DCAF10: variants seen among roughly 807,000 people sequenced by gnomAD.
DCAF10 encodes DDB1 and CUL4 associated factor 10.
In DCAF10, 19 loss-of-function variants were observed where a neutral mutation model predicts 51.9. The observed-to-expected ratio is 0.37, with a 90% CI of 0.26 to 0.54. DCAF10 has a LOEUF of 0.54. Among genes scored for constraint, DCAF10 ranks in the 20% least tolerant of loss-of-function variants. DCAF10 has a pLI of 0.87. For synonymous variants in DCAF10, 291 were observed against 297.1 expected (o/e 0.98, Z 0.21); for missense variants, 510 against 730.6 (o/e 0.70, Z 3.48).
Position 37,836,278 on chromosome 9 carries a change from G to A in DCAF10, c.654-5811G>A, listed in dbSNP as rs1450731694. On this transcript the variant is annotated intron_variant, in intron 2 of 6. Transcript: ENST00000377724. ...GATGTCTACGTGGAATATATTCAGC[G>A]AAACTTACCTGAAAGGGTTGCCATG... The A allele has an allele frequency of 6.3e-6, 10 of 1,589,552 alleles. No homozygotes were observed. The East Asian group carries it at 2.0e-4, about 32-fold the overall frequency.
chr9:37,850,162 T>C (rs1041560276), intron 3 of DCAF10, among the ~76,000 whole-genome samples: 25 of 152,326 alleles, frequency 1.6e-4, no homozygotes, highest in African/African-American at 5.5e-4. Flanking sequence ...AGAGAAATTA[T>C]CAGAATTAGT....
At chr9:37,855,790 G>A (rs926167419) in intron 4 of DCAF10, among the ~76,000 whole-genome samples, 26 of 152,324 alleles carry the variant, frequency 1.7e-4, no homozygotes, top group African/African-American at 4.1e-4. Context: ...TGGGAGGATC[G>A]CTTGAGCCCA....
chr9:37,807,390 T>C (rs1481805687), intron 1 of DCAF10, among the ~76,000 whole-genome samples: 1 of 152,174 alleles, frequency 6.6e-6, no homozygotes, highest in African/African-American at 2.4e-5. Flanking sequence ...AAATTTAATG[T>C]GGACATTCTT....
intron 2 of DCAF10, among the ~76,000 whole-genome samples, chr9:37,837,779 T>C (rs1830214905): frequency 6.6e-6 from 1 of 152,096 alleles, no homozygotes; most frequent in Admixed American, 6.5e-5. Context: ...TTAAACTGCA[T>C]TGCCTGTTCT....
intron 1 of DCAF10, among the ~76,000 whole-genome samples, chr9:37,808,936 G>C (rs1434172998): frequency 2.7e-5 from 4 of 149,144 alleles, no homozygotes; most frequent in Admixed American, 2.0e-4. Flanking sequence ...AAGGAAGAAA[G>C]ACTGTCTACA....
At chr9:37,830,291 A>G (rs886243478) in intron 2 of DCAF10, among the ~76,000 whole-genome samples, 1 of 152,240 alleles carries the variant, frequency 6.6e-6, no homozygotes, top group African/African-American at 2.4e-5. Context: ...GTGTGATACC[A>G]TTTACATAAA....
rs1831066064 is a variant in DCAF10, at chr9:37,863,326, A to C, written c.*1818A>C. 1 of 107,304 alleles carries C rather than the reference A, an allele frequency of 9.3e-6. No homozygotes were observed. Among genetic ancestry groups the C allele is most frequent in the Non-Finnish European group, 1.8e-5 (1 of 55,052 alleles). 6.6% of individuals were successfully genotyped at this position (107,304 alleles called of 1,614,324 possible). On this transcript the variant is annotated 3_prime_UTR_variant, in exon 7 of 7. Transcript: ENST00000377724. ...AGGCGACAGAGCGAGACTCTGTCTC[A>C]AAAAAAAAAAAAAAAAAAAAAAATT...
At chr9:37,830,623 T>A (rs1344197124) in intron 2 of DCAF10, among the ~76,000 whole-genome samples, 2 of 152,240 alleles carry the variant, frequency 1.3e-5, no homozygotes, top group Non-Finnish European at 2.9e-5. Context: ...GATAAAATGT[T>A]AAAATTGATA....
chr9:37,805,724 A>C (rs1247090929), intron 1 of DCAF10, among the ~76,000 whole-genome samples: 3 of 152,218 alleles, frequency 2.0e-5, no homozygotes, highest in African/African-American at 7.2e-5. Context: ...AAGCACAAAG[A>C]ATAGCTGAAA....
intron 2 of DCAF10, among the ~76,000 whole-genome samples, chr9:37,835,755 A>G (rs1346353133): frequency 6.6e-6 from 1 of 152,252 alleles, no homozygotes; most frequent in African/African-American, 2.4e-5. Flanking sequence ...AACAACAACA[A>G]AAAACATTAT....
At chr9:37,832,453 C>T (rs572543056) in intron 2 of DCAF10, among the ~76,000 whole-genome samples, 23 of 149,854 alleles carry the variant, frequency 1.5e-4, no homozygotes, top group African/African-American at 4.7e-4. Context: ...AGCGAGACTC[C>T]GTCTCAAAAA....
intron 3 of DCAF10, among the ~76,000 whole-genome samples, chr9:37,846,400 G>A (rs1315090224): frequency 6.6e-6 from 1 of 152,146 alleles, no homozygotes; most frequent in Non-Finnish European, 1.5e-5. Flanking sequence ...AGGCAACACA[G>A]ATGAACAGAT....
rs111424508 is a variant in DCAF10, at chr9:37,829,365, G to A, written c.653+9964G>A. On this transcript the variant is annotated intron_variant, in intron 2 of 6. Transcript: ENST00000377724. The surrounding 1 kb of genome is among the most constrained non-coding windows in gnomAD (Gnocchi z 4.2). ...TGAGACAGGAGAATCACTTGAACCC[G>A]GGAGGCGGAGGTTGCGGTGAGCCAA... is the stretch of plus-strand genomic sequence containing the variant. 8.8e-3 allele frequency among the ~76,000 whole-genome samples: 1,344 copies of A among 152,212 alleles called. 22 individuals are homozygous for A. Among genetic ancestry groups the A allele is most frequent in the African/African-American group, 0.03 (1,258 of 41,534 alleles).
intron 2 of DCAF10, chr9:37,835,938 GC>G: frequency 9.2e-7 from 1 of 1,088,378 alleles, no homozygotes; most frequent in Non-Finnish European, 1.4e-6. Context: ...TGAGAAGAAA[GC>G]CACCATTTTT....
chr9:37,809,826 C>T lies in DCAF10; in HGVS notation c.539+8421C>T, dbSNP rs955776122. ...CCAGCCTGGGCAAAAGAGCGAAACTCTGTCTCAAATTAAAAAAATAAAAGG... is the reference window on the plus strand; with the variant it reads ...CCAGCCTGGGCAAAAGAGCGAAACTTTGTCTCAAATTAAAAAAATAAAAGG... On this transcript the variant is annotated intron_variant, in intron 1 of 6. Coordinates refer to ENST00000377724, the MANE Select transcript of DCAF10 (RefSeq NM_024345.5). 4.7e-5 allele frequency among the ~76,000 whole-genome samples: 7 copies of T among 149,360 alleles called. No individual in the cohort carries two copies. The South Asian group carries it at 1.5e-3, about 32-fold the overall frequency.
In DCAF10 at chr9:37,861,118, T is replaced by C. The variant is rs768671135; in HGVS notation, c.1312-22T>C. On this transcript the variant is annotated intron_variant, in intron 6 of 6. Coordinates refer to ENST00000377724, the MANE Select transcript of DCAF10 (RefSeq NM_024345.5). This position sits in a 1 kb window ranked among gnomAD's most constrained non-coding sequence, Gnocchi z 4.9. ...CTATTTGGGCTCTGTAACCTTGGTT[T>C]GTCTCCCTTCTCTCCCCCTAGTGTA... 3.8e-6 allele frequency: 6 copies of C among 1,583,164 alleles called. No individual in the cohort carries two copies. The East Asian group carries it at 1.4e-4, about 36-fold the overall frequency.
intron 2 of DCAF10, among the ~76,000 whole-genome samples, chr9:37,841,435 AT>A (rs1830334032): frequency 2.0e-5 from 3 of 152,236 alleles, no homozygotes. Context: ...TATTAAATAT[AT>A]TCTCACTAAG....
chr9:37,801,535 T>A lies in DCAF10; in HGVS notation c.539+130T>A. Reference sequence around the variant, plus strand: ...GGCCGTTTGGGGCCGCTGGCCTTCGTGCCTCCTGGCACTTTCTGAAGCGCA... The same window carrying A: ...GGCCGTTTGGGGCCGCTGGCCTTCGAGCCTCCTGGCACTTTCTGAAGCGCA... On this transcript the variant is annotated intron_variant, in intron 1 of 6. Coordinates refer to ENST00000377724, the MANE Select transcript of DCAF10 (RefSeq NM_024345.5). The surrounding 1 kb of genome is among the most constrained non-coding windows in gnomAD (Gnocchi z 5.5). 1 of 1,133,390 alleles carries A rather than the reference T, an allele frequency of 8.8e-7. No individual in the cohort carries two copies. The highest frequency in any genetic ancestry group is 1.2e-6 in the Non-Finnish European group (1 of 867,940). 70.2% of individuals were successfully genotyped at this position (1,133,390 alleles called of 1,614,324 possible). A position where few individuals can be genotyped will look rare whatever the true frequency, so the allele number is the denominator to read the frequency against.
At chr9:37,841,926 A>G (rs1830348147) in intron 2 of DCAF10, among the ~76,000 whole-genome samples, 163 bp from the exon 3 acceptor site, 1 of 152,230 alleles carries the variant, frequency 6.6e-6, no homozygotes. Flanking sequence ...TGATTATGCA[A>G]AGTATACTTT....
Sources: gnomAD v4.1 joint callset for allele counts (sites outside exome capture counted in the v4.1 genomes callset) on GRCh38, gnomAD v4.1.1 for gene constraint, Gnocchi (gnomAD v3.1) non-coding constraint, MANE v1.5 for transcripts, NCBI Gene and HGNC (gene_info 2026-07-23, HGNC 2026-07-21) for gene names.